Variants in CPN2 observed in about 807,000 individuals in gnomAD.
CPN2 encodes the protein carboxypeptidase N 83 kDa chain.
For missense variants in CPN2, 620 were observed against 671.4 expected, an observed-to-expected ratio of 0.92 and a Z score of 0.85; for synonymous variants, 336 against 318.4, an observed-to-expected ratio of 1.06 and a Z score of -0.59.
intron 1 of CPN2, among the ~76,000 whole-genome samples, chr3:194,345,078 G>A (rs1712998426): frequency 6.6e-6 from 1 of 152,226 alleles, no homozygotes. Context: ...CTAACACTCA[G>A]CACAGGTGCC....
intron 1 of CPN2, among the ~76,000 whole-genome samples, chr3:194,347,037 T>C (rs9870895): frequency 0.76 from 115,859 of 152,090 alleles, 44,901 homozygotes; most frequent in African/African-American, 0.9. Context: ...GCTCTGGAGA[T>C]GGACGCGCCC....
chr3:194,347,638 A>AT lies in CPN2; in HGVS notation c.-4+3603_-4+3604insA, dbSNP rs1560038787. Reference sequence around the variant, plus strand: ...GCTCCTGCCTTGGCCAGCCCACCCCACCCTCTGCCCAGTTCAGCCCACCCC... The same window carrying AT: ...GCTCCTGCCTTGGCCAGCCCACCCCATCCCTCTGCCCAGTTCAGCCCACCCC... On this transcript the variant is annotated intron_variant, in intron 1 of 1. Transcript: ENST00000323830. Among the ~76,000 whole-genome samples, 58 of 111,102 alleles carry AT rather than the reference A, an allele frequency of 5.2e-4. 4 individuals carry two copies. The highest frequency in any genetic ancestry group is 9.3e-3 in the Middle Eastern group (2 of 216). 72.9% of individuals were successfully genotyped at this position (111,102 alleles called of 152,430 possible). A position where few individuals can be genotyped will look rare whatever the true frequency, so the allele number is the denominator to read the frequency against.
intron 1 of CPN2, among the ~76,000 whole-genome samples, chr3:194,349,184 A>G (rs1713164240): frequency 6.6e-6 from 1 of 152,086 alleles, no homozygotes; most frequent in Non-Finnish European, 1.5e-5. Context: ...AACATGATGA[A>G]ACCCCGTCTC....
At chr3:194,348,379 G>A (rs1008402240) in intron 1 of CPN2, among the ~76,000 whole-genome samples, 1 of 151,804 alleles carries the variant, frequency 6.6e-6, no homozygotes, top group African/African-American at 2.4e-5. Context: ...ACCTCTCAGA[G>A]TCCCAGTCTG....
rs62288099 is a variant in CPN2, at chr3:194,342,571, T to C, written c.132A>G (p.Pro44=). The change falls in exon 2 of 2, where the codon CCA becomes CCG. Residue 44 remains proline (P), a synonymous_variant. Coordinates refer to ENST00000323830, the MANE Select transcript of CPN2 (RefSeq NM_001080513.4). ...TTTTCGTATATGGCGGGATGTCCAG[T>C]GGGACGGTGGCAAGCTCCTCATCTG... ...FCSDEELATV[P]LDIPPYTKNI... is the part of the protein sequence containing the mutation. 0.81 allele frequency: 1,310,841 copies of C among 1,613,936 alleles called. 533,836 individuals carry two copies. The highest frequency in any genetic ancestry group is 0.83 in the African/African-American group (62,217 of 74,980).
At position 194,342,072 on chromosome 3, in the gene CPN2, C is replaced by T; in HGVS notation, c.631G>A (p.Gly211Ser). 2 of 1,614,122 alleles carry T rather than the reference C, an allele frequency of 1.2e-6. No individual in the cohort carries two copies. The highest frequency in any genetic ancestry group is 1.1e-5 in the South Asian group (1 of 91,074). ...SNNALSGLPQ[G>S]VFGKLGSLQE... ...AGGCTGCCCAGTTTGCCAAACACAC[C>T]CTGGGGGAGACCAGAGAGCGCGTTG... Residue 211 changes from glycine (G) to serine (S), a missense_variant, in exon 2 of 2, where the codon GGT becomes AGT. By Grantham distance (56) the Gly-to-Ser change is moderately conservative (BLOSUM62 0). Transcript: ENST00000323830.
rs773525260 is a variant in CPN2 at position 194,341,338 on chromosome 3, C to G, written c.1365G>C (p.Gln455His). ...CCTTGCTTTCGTCCGGCCACGTGAC[C>G]TGGAAGCCCAAGTGGTCCCGGGTGA... The part of the protein sequence containing the change: ...CPVTRDHLGF[Q>H]VTWPDESKAG... Residue 455 changes from glutamine (Q) to histidine (H), a missense_variant, in exon 2 of 2, where the codon CAG becomes CAC. Physicochemically the swap from Gln to His is conservative, Grantham distance 24 (BLOSUM62 0). Transcript: ENST00000323830. The G allele has an allele frequency of 1.7e-5, 27 of 1,613,920 alleles. No homozygotes were observed. Among genetic ancestry groups the G allele is most frequent in the Non-Finnish European group, 2.3e-5 (27 of 1,180,042 alleles).
chr3:194,341,952 T>G lies in CPN2; in HGVS notation c.751A>C (p.Asn251His). The change falls in exon 2 of 2, where the codon AAC becomes CAC. Residue 251 changes from asparagine (N) to histidine (H), a missense_variant. Coordinates refer to ENST00000323830, the MANE Select transcript of CPN2 (RefSeq NM_001080513.4). ...FCLERLWLQR[N>H]AITHLPLSIF... is the part of the protein sequence containing the mutation. ...GAGAGCGGCAGGTGCGTGATGGCGT[T>G]GCGTTGCAGCCACAGCCTCTCTAGG... The G allele has an allele frequency of 6.2e-7, 1 of 1,613,936 alleles. No individual in the cohort carries two copies. The highest frequency in any genetic ancestry group is 8.5e-7 in the Non-Finnish European group (1 of 1,180,008).
Position 194,341,847 on chromosome 3 carries a change from C to G in CPN2, c.856G>C (p.Ala286Pro), listed in dbSNP as rs1291014020. Reference sequence around the variant, plus strand: ...AGGCCAACCAGGCACGGGGTGTGGGCAAAGAGGCCGGCAGGCAGGACCCGA... The same window carrying G: ...AGGCCAACCAGGCACGGGGTGTGGGGAAAGAGGCCGGCAGGCAGGACCCGA... ...MLRVLPAGLF[A>P]HTPCLVGLSL... The change falls in exon 2 of 2, where the codon GCC (alanine) becomes CCC (proline). Residue 286 changes from alanine (A) to proline (P), a missense_variant. Physicochemically the swap from Ala to Pro is conservative, Grantham distance 27. Coordinates refer to ENST00000323830, the MANE Select transcript of CPN2 (RefSeq NM_001080513.4). 5 of 1,613,988 alleles carry G rather than the reference C, an allele frequency of 3.1e-6. No homozygotes were observed. Among genetic ancestry groups the G allele is most frequent in the East Asian group, 2.2e-5 (1 of 44,886 alleles).
intron 1 of CPN2, among the ~76,000 whole-genome samples, chr3:194,349,778 CTT>C (rs757478492): frequency 1.5e-5 from 1 of 65,538 alleles, no homozygotes; most frequent in African/African-American, 6.2e-5. Flanking sequence ...CTACCCTCTT[CTT>C]TTTTTTTTTT....
chr3:194,345,048 T>C (rs1345878048), intron 1 of CPN2, among the ~76,000 whole-genome samples: 2 of 152,202 alleles, frequency 1.3e-5, no homozygotes, highest in Non-Finnish European at 1.5e-5. Context: ...AAGAAGGACC[T>C]GGAGGTACAT....
chr3:194,341,735 T>C lies in CPN2; in HGVS notation c.968A>G (p.Asn323Ser). ...SNLRSLMLSY[N>S]AITHLPAGIF... is the part of the protein sequence containing the mutation. ...GCCAGCTGGGAGGTGGGTAATGGCA[T>C]TGTATGAGAGCATGAGGGAACGCAG... The change falls in exon 2 of 2, where the codon AAT (asparagine) becomes AGT (serine). Residue 323 changes from asparagine to serine, a missense_variant. Physicochemically the swap from Asn to Ser is conservative, Grantham distance 46. Transcript: ENST00000323830. The C allele has an allele frequency of 6.2e-7, 1 of 1,613,948 alleles. No individual in the cohort carries two copies. The highest frequency in any genetic ancestry group is 8.5e-7 in the Non-Finnish European group (1 of 1,180,000).
At chr3:194,343,757 G>A (rs1712950034) in intron 1 of CPN2, among the ~76,000 whole-genome samples, 1 of 152,194 alleles carries the variant, frequency 6.6e-6, no homozygotes, top group Non-Finnish European at 1.5e-5. Flanking sequence ...TACCACATAA[G>A]GGTAATTGTT....
In CPN2 at chr3:194,341,152, G is replaced by A; in HGVS notation, c.1551C>T (p.Tyr517=). The change falls in exon 2 of 2, where the codon TAC becomes TAT. Residue 517 remains tyrosine (Y), a synonymous_variant. Transcript: ENST00000323830. ...SPQQGSLGLQ[Y]NASQEWDLRS... ...TCAGGTCCCACTCCTGACTAGCATTGTACTGCAGTCCCAGGGAGCCCTGCT... is the reference window on the plus strand; with the variant it reads ...TCAGGTCCCACTCCTGACTAGCATTATACTGCAGTCCCAGGGAGCCCTGCT... 1 of 1,613,496 alleles carries A rather than the reference G, an allele frequency of 6.2e-7. No individual in the cohort carries two copies. Among genetic ancestry groups the A allele is most frequent in the Middle Eastern group, 1.7e-4 (1 of 5,972 alleles).
At chr3:194,349,316 G>T (rs192385820) in intron 1 of CPN2, among the ~76,000 whole-genome samples, 1 of 152,106 alleles carries the variant, frequency 6.6e-6, no homozygotes, top group Non-Finnish European at 1.5e-5. Context: ...AGCCGAGATC[G>T]CACTATTGCA....
chr3:194,348,785 G>A (rs1489790857), intron 1 of CPN2, among the ~76,000 whole-genome samples: 5 of 152,128 alleles, frequency 3.3e-5, no homozygotes, highest in Non-Finnish European at 7.4e-5. Context: ...TCAACTACTC[G>A]AGAGGCTGAG....
intron 1 of CPN2, among the ~76,000 whole-genome samples, chr3:194,346,373 G>C (rs889597649): frequency 2.6e-5 from 4 of 152,198 alleles, no homozygotes; most frequent in Admixed American, 1.3e-4. Flanking sequence ...GGGGGAGGAG[G>C]GCCAGAACAG....
chr3:194,344,738 C>T (rs953743878), intron 1 of CPN2, among the ~76,000 whole-genome samples: 6 of 152,106 alleles, frequency 3.9e-5, no homozygotes, highest in Non-Finnish European at 7.4e-5. Context: ...TAGAATCTGA[C>T]TCCCGCAATC....
intron 1 of CPN2, among the ~76,000 whole-genome samples, chr3:194,345,158 C>A (rs1460612156): frequency 2.6e-5 from 4 of 152,184 alleles, no homozygotes; most frequent in African/African-American, 7.2e-5. Context: ...GCAGTGACTT[C>A]CTTTGGGCTC....
Sources: allele counts gnomAD v4.1 joint callset (sites outside exome capture counted in the v4.1 genomes callset), GRCh38; gene constraint gnomAD v4.1.1; transcripts MANE v1.5; gene names NCBI Gene and HGNC (gene_info 2026-07-23, HGNC 2026-07-21).